The following GSE1 variants were observed in gnomAD, a reference collection of about 807,000 sequenced individuals.
GSE1 encodes genetic suppressor element 1.
Under a neutral mutation model 112.6 loss-of-function variants are expected in GSE1, and 32 were observed. That is an observed-to-expected ratio of 0.28 (90% CI 0.21 to 0.38). The LOEUF (loss-of-function observed/expected upper bound fraction) is 0.38. Among genes scored for constraint, GSE1 ranks in the 10% least tolerant of loss-of-function variants. The probability of loss-of-function intolerance (pLI) is 1.00; values close to 1 mark genes in which losing one functional copy is unlikely to be tolerated. For synonymous variants in GSE1, 1,115 were observed against 735.6 expected, an observed-to-expected ratio of 1.52 and a Z score of -8.35; for missense variants, 2,348 against 1,699.2, an observed-to-expected ratio of 1.38 and a Z score of -6.71.
At chr16:85,514,087 C>T (rs1017863698) in intron 2 of GSE1, among the ~76,000 whole-genome samples, 5 of 152,084 alleles carry the variant, frequency 3.3e-5, no homozygotes, top group African/African-American at 1.2e-4. Context: ...CCCTTGGGTG[C>T]AGAGGTCAGG....
intron 1 of GSE1, among the ~76,000 whole-genome samples, chr16:85,320,461 T>TTGTTC (rs2046081816): frequency 6.6e-6 from 1 of 150,940 alleles, no homozygotes; most frequent in Non-Finnish European, 1.5e-5. Context: ...TTGTTTTGTT[T>TTGTTC]TGTTTTGTTT....
At chr16:85,455,277 T>C (rs188946503) in intron 2 of GSE1, among the ~76,000 whole-genome samples, 14 of 152,044 alleles carry the variant, frequency 9.2e-5, no homozygotes, top group East Asian at 7.8e-4. Flanking sequence ...TCCCAGCTAC[T>C]GGGGAGGCAG....
At chr16:85,385,573 G>T (rs1387365750) in intron 2 of GSE1, among the ~76,000 whole-genome samples, 2 of 152,200 alleles carry the variant, frequency 1.3e-5, no homozygotes, top group East Asian at 3.9e-4. Flanking sequence ...TGGAGGAGGG[G>T]TGTCCGCAGC....
In GSE1 at chr16:85,651,491, A is replaced by T. The variant is rs188186593; in HGVS notation, c.426+2740A>T. Among the ~76,000 whole-genome samples, 583 of 152,102 alleles carry T rather than the reference A, an allele frequency of 3.8e-3. 3 individuals carry two copies. Among genetic ancestry groups the T allele is most frequent in the Middle Eastern group, 0.014 (4 of 294 alleles). ...GCGAGCAGGGCTTTGTCCTCGGCTG[A>T]GGGGAGAAGGGGTTCAAGGGCCGTG... On this transcript the variant is annotated intron_variant, in intron 3 of 15. Coordinates refer to ENST00000253458, the MANE Select transcript of GSE1 (RefSeq NM_014615.5).
intron 2 of GSE1, among the ~76,000 whole-genome samples, chr16:85,371,069 C>A (rs1225817495): frequency 6.6e-6 from 1 of 152,166 alleles, no homozygotes; most frequent in African/African-American, 2.4e-5. Flanking sequence ...GAGTTGTGGG[C>A]CTGGGCCTGG....
intron 2 of GSE1, among the ~76,000 whole-genome samples, chr16:85,421,138 G>A (rs749512356): frequency 2.0e-5 from 3 of 152,240 alleles, no homozygotes; most frequent in Non-Finnish European, 2.9e-5. Flanking sequence ...CGCTGTGAAA[G>A]TGTGTGTTAA....
chr16:85,552,575 G>A (rs900251557), upstream of GSE1, among the ~76,000 whole-genome samples: 18 of 150,634 alleles, frequency 1.2e-4, no homozygotes, highest in South Asian at 3.5e-3. Flanking sequence ...CTCGTGATCC[G>A]TCCGTCTCGG....
At chr16:85,537,572 G>A (rs1489974961) in intron 2 of GSE1, among the ~76,000 whole-genome samples, 1 of 152,184 alleles carries the variant, frequency 6.6e-6, no homozygotes, top group Non-Finnish European at 1.5e-5. Flanking sequence ...CCTGTGGGAG[G>A]AAGCTTCCAG....
At chr16:85,507,992 C>G (rs562625855) in intron 2 of GSE1, among the ~76,000 whole-genome samples, 1 of 152,152 alleles carries the variant, frequency 6.6e-6, no homozygotes, top group African/African-American at 2.4e-5. Context: ...CCCCCTGTGG[C>G]CCCCTGCCGA....
Position 85,672,493 on chromosome 16 carries a change from C to T in GSE1, c.3608C>T (p.Pro1203Leu), listed in dbSNP as rs1202914221. 6.2e-7 allele frequency: 1 copy of T among 1,611,330 alleles called. No homozygotes were observed. The highest frequency in any genetic ancestry group is 1.3e-5 in the African/African-American group (1 of 74,882). The change falls in exon 16 of 16, where the codon CCT (proline) becomes CTT (leucine). Residue 1203 changes from proline (P) to leucine (L), a missense_variant. Coordinates refer to ENST00000253458, the MANE Select transcript of GSE1 (RefSeq NM_014615.5). ...CACTTACGAAAGTGCCTTGCCTTGC[C>T]TGCAATGCACTGGCCTAGGGGCTAC... ...LDHLRKCLALPAMHWPRGYLK... is the reference protein window; with the variant it reads ...LDHLRKCLALLAMHWPRGYLK...
At chr16:85,246,200 T>TACAC (rs545313239) in intron 1 of GSE1, among the ~76,000 whole-genome samples, 12,914 of 88,926 alleles carry the variant, frequency 0.15, 1,202 homozygotes, top group East Asian at 0.35. Context: ...TCAGGGACCC[T>TACAC]ACACACACAC....
intron 3 of GSE1, among the ~76,000 whole-genome samples, chr16:85,650,346 C>A (rs1027093908): frequency 3.9e-5 from 6 of 152,158 alleles, no homozygotes; most frequent in African/African-American, 1.2e-4. Context: ...AGGCTCCTTG[C>A]GCCCCACTGG....
intron 1 of GSE1, among the ~76,000 whole-genome samples, chr16:85,180,573 G>A (rs1356474666): frequency 6.6e-6 from 1 of 152,234 alleles, no homozygotes; most frequent in Non-Finnish European, 1.5e-5. Context: ...ATTGCCCCAC[G>A]TGACTGTCTC....
At chr16:85,654,220 C>G (rs926553187) in intron 3 of GSE1, 58 bp from the exon 4 acceptor site, 1 of 1,499,176 alleles carries the variant, frequency 6.7e-7, no homozygotes, top group Non-Finnish European at 9.1e-7. Flanking sequence ...CTGGCTGTGT[C>G]CTGTGGTCAG....
chr16:85,441,954 A>G (rs111860175), intron 2 of GSE1, among the ~76,000 whole-genome samples: 9 of 152,310 alleles, frequency 5.9e-5, no homozygotes, highest in African/African-American at 1.7e-4. Flanking sequence ...ACTCTTCACG[A>G]TGGCCTAAAA....
chr16:85,616,632 T>C (rs932719607), intron 1 of GSE1, among the ~76,000 whole-genome samples: 8 of 152,068 alleles, frequency 5.3e-5, no homozygotes, highest in African/African-American at 1.7e-4. Flanking sequence ...CAGAGATCCA[T>C]GTTGCAGGTG....
At chr16:85,225,561 G>A (rs919529723) in intron 1 of GSE1, among the ~76,000 whole-genome samples, 1 of 152,190 alleles carries the variant, frequency 6.6e-6, no homozygotes, top group South Asian at 2.1e-4. Context: ...CTGTCCCTCC[G>A]CTGCCGGGTA....
intron 2 of GSE1, among the ~76,000 whole-genome samples, chr16:85,444,264 G>T (rs1005411279): frequency 6.6e-6 from 1 of 152,190 alleles, no homozygotes. Context: ...GATTACAGGC[G>T]TAAGCCATTA....
intron 2 of GSE1, among the ~76,000 whole-genome samples, chr16:85,484,380 A>G (rs1339947190): frequency 1.3e-5 from 2 of 152,256 alleles, no homozygotes; most frequent in Non-Finnish European, 2.9e-5. Context: ...GAGATAAATT[A>G]GTTTTTAAAA....
Sources: allele counts gnomAD v4.1 joint callset (sites outside exome capture counted in the v4.1 genomes callset), GRCh38; gene constraint gnomAD v4.1.1; transcripts MANE v1.5; gene names NCBI Gene and HGNC (gene_info 2026-07-23, HGNC 2026-07-21).